Variants in TBX4 observed in about 807,000 individuals in gnomAD.
The protein encoded by TBX4 is T-box transcription factor 4, also known as T-box transcription factor TBX4.
Under a neutral mutation model 54.6 loss-of-function variants are expected in TBX4, and 13 were observed. The observed-to-expected ratio is 0.24, with a 90% CI of 0.15 to 0.38. TBX4 has a LOEUF of 0.38. TBX4 is among the 10% of genes least tolerant of loss of function. The pLI, the probability that TBX4 is intolerant of heterozygous loss-of-function variation, is 1.00. For synonymous variants in TBX4, 314 were observed against 306.7 expected (o/e 1.02, Z -0.25); for missense variants, 631 against 728.5 (o/e 0.87, Z 1.54).
At chr17:61,455,601 G>A (rs1429628757) in intron 1 of TBX4, among the ~76,000 whole-genome samples, 1 of 152,276 alleles carries the variant, frequency 6.6e-6, no homozygotes, top group Non-Finnish European at 1.5e-5. Flanking sequence ...GCAGGGCTAA[G>A]CGGTTCCTGT....
Position 61,479,990 on chromosome 17 carries a change from G to T in TBX4, c.791+21G>T, listed in dbSNP as rs767382939. 8 of 1,613,836 alleles carry T rather than the reference G, an allele frequency of 5.0e-6. No individual in the cohort carries two copies. The African/African-American group carries it at 9.4e-5, about 19-fold the overall frequency. On this transcript the variant is annotated intron_variant, in intron 7 of 8. Transcript: ENST00000644296. This position sits in a 1 kb window ranked among gnomAD's most constrained non-coding sequence, Gnocchi z 6.1. ...CAGAGGTGGGGCTGCGTAGCCTGGG[G>T]GTGGGGCGGGCAGATGGGATTCAGG... is the stretch of plus-strand genomic sequence containing the variant.
intron 8 of TBX4, 77 bp from the exon 9 acceptor site, chr17:61,482,820 G>C (rs1172060418): frequency 6.3e-7 from 1 of 1,590,450 alleles, no homozygotes; most frequent in Non-Finnish European, 8.5e-7. Flanking sequence ...AGGACAGGCT[G>C]TCCCAGCATC....
In TBX4 at chr17:61,483,378, G is replaced by A; in HGVS notation, c.1503G>A (p.Gly501=). 2 of 1,610,872 alleles carry A rather than the reference G, an allele frequency of 1.2e-6. No individual in the cohort carries two copies. Among genetic ancestry groups the A allele is most frequent in the African/African-American group, 1.3e-5 (1 of 75,002 alleles). Residue 501 remains glycine, a synonymous_variant, in exon 9 of 9, where the codon GGG becomes GGA. Transcript: ENST00000644296. The surrounding 1 kb of genome is among the most constrained non-coding windows in gnomAD (Gnocchi z 6.6). The part of the protein sequence containing the change: ...SFPRERGLPQ[G]CERKPPSPHL... ...CAAGAGAGCGCGGCCTCCCCCAAGG[G>A]TGTGAGAGGAAGCCACCCTCGCCAC...
chr17:61,459,095 G>A lies in TBX4; in HGVS notation c.281+1464G>A, dbSNP rs1247228762. On this transcript the variant is annotated intron_variant, in intron 3 of 8. Coordinates refer to ENST00000644296, the MANE Select transcript of TBX4 (RefSeq NM_001321120.2). This position sits in a 1 kb window ranked among gnomAD's most constrained non-coding sequence, Gnocchi z 4.8. The stretch of plus-strand genomic sequence containing the variant: ...GTTTAGTTTAGGGCTTGAGCTTGCT[G>A]TATTTTGGGGATGGAGATAGGGAAG... 1.3e-5 allele frequency among the ~76,000 whole-genome samples: 2 copies of A among 152,252 alleles called. No individual in the cohort carries two copies. The highest frequency in any genetic ancestry group is 1.3e-4 in the Admixed American group (2 of 15,290).
intron 8 of TBX4, among the ~76,000 whole-genome samples, 182 bp from the exon 9 acceptor site, chr17:61,482,714 CA>C (rs2060672713): frequency 6.6e-6 from 1 of 152,186 alleles, no homozygotes. Flanking sequence ...GTAATCTGAC[CA>C]CTTCTTGGTG....
intron 5 of TBX4, among the ~76,000 whole-genome samples, chr17:61,477,372 G>A (rs2060628277): frequency 6.6e-6 from 1 of 152,234 alleles, no homozygotes; most frequent in Non-Finnish European, 1.5e-5. Flanking sequence ...GCCCCCGGGG[G>A]CTCTGGCAGC....
intron 4 of TBX4, 90 bp from the exon 5 acceptor site, chr17:61,467,420 G>C (rs1007724804): frequency 6.6e-7 from 1 of 1,523,190 alleles, no homozygotes; most frequent in African/African-American, 1.4e-5. Flanking sequence ...TTTTCCTCTG[G>C]TCAATGGGGG....
chr17:61,467,495 C>T lies in TBX4; in HGVS notation c.402-15C>T. ...CCCTGGAGTAATCACCTGCTCTTAT[C>T]TGCTCTGTTGGCAGGATGGTGGCAG... On this transcript the variant is annotated splice_polypyrimidine_tract_variant and intron_variant, in intron 4 of 8. Transcript: ENST00000644296. 1 of 1,614,228 alleles carries T rather than the reference C, an allele frequency of 6.2e-7. No individual in the cohort carries two copies. The highest frequency in any genetic ancestry group is 8.5e-7 in the Non-Finnish European group (1 of 1,180,050).
At chr17:61,469,592 G>A (rs573849827) in intron 5 of TBX4, among the ~76,000 whole-genome samples, 14 of 152,308 alleles carry the variant, frequency 9.2e-5, no homozygotes, top group Admixed American at 3.3e-4. Flanking sequence ...CCCAGGTACC[G>A]TCTCAGACCC....
In TBX4 at chr17:61,457,746, C is replaced by T; in HGVS notation, c.281+115C>T. On this transcript the variant is annotated intron_variant, in intron 3 of 8. Coordinates refer to ENST00000644296, the MANE Select transcript of TBX4 (RefSeq NM_001321120.2). The surrounding 1 kb of genome is among the most constrained non-coding windows in gnomAD (Gnocchi z 8.2). ...GGTGGCCTGTGGGAGGCCTCTCTGC[C>T]TCCTCGGGCGTCAGTGCCACCTCCC... 5.0e-6 allele frequency: 5 copies of T among 993,754 alleles called. No individual in the cohort carries two copies. In the East Asian group the frequency reaches 8.0e-5, roughly 16 times the overall value. 61.6% of individuals were successfully genotyped at this position (993,754 alleles called of 1,614,324 possible).
chr17:61,478,898 G>T lies in TBX4; in HGVS notation c.702+119G>T. On this transcript the variant is annotated intron_variant, in intron 6 of 8. Transcript: ENST00000644296. The surrounding 1 kb of genome is among the most constrained non-coding windows in gnomAD (Gnocchi z 7.4). ...CCAGCAGGGCTTGGGCAGGCCCAGT[G>T]CAGGGACCTCAGAAGCCTAGAGTCC... 1.3e-6 allele frequency: 2 copies of T among 1,524,850 alleles called. No homozygotes were observed. The highest frequency in any genetic ancestry group is 1.8e-6 in the Non-Finnish European group (2 of 1,102,602). The allele number at this position is 1,524,850 out of a possible 1,614,324, so 94.5% of individuals were successfully genotyped here.
chr17:61,455,907 G>C (rs947798202), intron 1 of TBX4, among the ~76,000 whole-genome samples: 6 of 152,182 alleles, frequency 3.9e-5, no homozygotes, highest in African/African-American at 1.4e-4. Flanking sequence ...AAAGCCTTTG[G>C]TTCAGGAAGT....
intron 3 of TBX4, chr17:61,463,129 G>GC (rs1174414001): frequency 6.6e-6 from 1 of 152,008 alleles, no homozygotes; most frequent in African/African-American, 2.4e-5. Context: ...AGTGCTTAGG[G>GC]CCCCCCACCC....
chr17:61,477,542 G>A (rs1346618055), intron 5 of TBX4, among the ~76,000 whole-genome samples: 1 of 152,228 alleles, frequency 6.6e-6, no homozygotes, highest in Non-Finnish European at 1.5e-5. Context: ...TTGAACGCTT[G>A]AAGAGCTTCT....
At position 61,456,539 on chromosome 17, in the gene TBX4, C is replaced by G; in HGVS notation, c.49C>G (p.Pro17Ala). The G allele has an allele frequency of 1.3e-6, 2 of 1,557,938 alleles. No individual in the cohort carries two copies. Among genetic ancestry groups the G allele is most frequent in the East Asian group, 4.8e-5 (2 of 41,670 alleles). ...CGAGAGCGAGGAGGCCTTCCGGGCCCCGGGCCCAGCGCTCGGAGAGGCCAG... is the reference window on the plus strand; with the variant it reads ...CGAGAGCGAGGAGGCCTTCCGGGCCGCGGGCCCAGCGCTCGGAGAGGCCAG... ...LSESEEAFRA[P>A]GPALGEASAA... Residue 17 changes from proline (P) to alanine (A), a missense_variant, in exon 2 of 9, where the codon CCG (proline) becomes GCG (alanine). Physicochemically the swap from Pro to Ala is conservative, Grantham distance 27 (BLOSUM62 -1). Coordinates refer to ENST00000644296, the MANE Select transcript of TBX4 (RefSeq NM_001321120.2).
intron 2 of TBX4, 57 bp downstream of exon 2, chr17:61,456,733 C>T: frequency 7.8e-7 from 1 of 1,281,406 alleles, no homozygotes; most frequent in Non-Finnish European, 1.0e-6. Flanking sequence ...TGCGGGGCCG[C>T]CTGTGTCCGT....
chr17:61,469,668 C>G (rs139365620), intron 5 of TBX4, among the ~76,000 whole-genome samples: 1 of 152,186 alleles, frequency 6.6e-6, no homozygotes, highest in Non-Finnish European at 1.5e-5. Context: ...CCAGGGCTCT[C>G]GCTGCGGTAT....
At position 61,484,974 on chromosome 17, in the gene TBX4, AC is replaced by A. The variant is rs1214536171; in HGVS notation, c.*1459del. On this transcript the variant is annotated 3_prime_UTR_variant, in exon 9 of 9. Transcript: ENST00000644296. The surrounding 1 kb of genome is among the most constrained non-coding windows in gnomAD (Gnocchi z 4.1). ...TATATATATATATATATATATATAA[AC>A]ACACACACACTACAGATAAGGCTTT... is the stretch of plus-strand genomic sequence containing the variant. 17 of 147,498 alleles carry A rather than the reference AC, an allele frequency of 1.2e-4. No individual in the cohort carries two copies. Among genetic ancestry groups the A allele is most frequent in the Middle Eastern group, 3.6e-3 (1 of 278 alleles). The allele number at this position is 147,498 out of a possible 1,614,324, so 9.1% of individuals were successfully genotyped here.
At chr17:61,467,799 C>T in intron 5 of TBX4, 142 bp downstream of exon 5, 1 of 1,060,380 alleles carries the variant, frequency 9.4e-7, no homozygotes, top group Non-Finnish European at 1.4e-6. Context: ...AGGGAAGGAG[C>T]TCAAGCCTCT....
Sources: allele counts gnomAD v4.1 joint callset (sites outside exome capture counted in the v4.1 genomes callset), GRCh38; gene constraint gnomAD v4.1.1; non-coding constraint Gnocchi (gnomAD v3.1); transcripts MANE v1.5; gene names NCBI Gene and HGNC (gene_info 2026-07-23, HGNC 2026-07-21).